MAPKAP1: variants seen among roughly 807,000 people sequenced by gnomAD.
MAPKAP1 encodes the protein target of rapamycin complex 2 subunit MAPKAP1.
A neutral mutation model predicts 65.7 loss-of-function variants in MAPKAP1; 20 were observed. The ratio of observed to expected loss-of-function variants is 0.30; its 90% CI spans 0.21 to 0.44. The LOEUF is 0.44. Ranked by LOEUF, MAPKAP1 falls within the 20% of genes least tolerant of loss-of-function variation. The probability of loss-of-function intolerance (pLI) is 1.00; values close to 1 mark genes in which losing one functional copy is unlikely to be tolerated. For synonymous variants in MAPKAP1, 222 were observed against 244.3 expected (o/e 0.91, Z 0.85); for missense variants, 423 against 648.0 (o/e 0.65, Z 3.77).
intron 10 of MAPKAP1, among the ~76,000 whole-genome samples, chr9:125,463,334 T>A (rs896063252): frequency 2.6e-5 from 4 of 152,224 alleles, no homozygotes; most frequent in African/African-American, 9.6e-5. Flanking sequence ...GGCTTGGCCA[T>A]TAAGGTTGCT....
intron 7 of MAPKAP1, among the ~76,000 whole-genome samples, chr9:125,515,803 G>T (rs1829443690): frequency 6.6e-6 from 1 of 152,306 alleles, no homozygotes; most frequent in Non-Finnish European, 1.5e-5. Context: ...AAGGGGGCCG[G>T]CCAGAAGATG....
chr9:125,667,965 G>A (rs928599996), intron 3 of MAPKAP1, among the ~76,000 whole-genome samples: 5 of 152,244 alleles, frequency 3.3e-5, no homozygotes, highest in African/African-American at 7.2e-5. Context: ...GGCTAGCCTC[G>A]TGAGATTTTG....
rs539732760 is a variant in MAPKAP1 at position 125,544,849 on chromosome 9, C to G, written c.849-1681G>C. ...AATGGTAGGACAGGCTGGGAAGGGC[C>G]TTAAGCCTAGGTTGGACCCAACTAG... On this transcript the variant is annotated intron_variant, in intron 6 of 11. Coordinates refer to ENST00000265960, the MANE Select transcript of MAPKAP1 (RefSeq NM_001006617.3). Among the ~76,000 whole-genome samples the G allele has an allele frequency of 3.7e-4, 56 of 152,322 alleles. No homozygotes were observed. The South Asian group carries it at 0.011, about 29-fold the overall frequency.
intron 9 of MAPKAP1, among the ~76,000 whole-genome samples, chr9:125,470,903 T>C (rs1384398186): frequency 2.6e-5 from 4 of 152,212 alleles, no homozygotes; most frequent in Admixed American, 2.6e-4. Flanking sequence ...TTTAGATTGA[T>C]CTGTAATTGG....
At chr9:125,476,601 G>GT (rs912198078) in intron 9 of MAPKAP1, among the ~76,000 whole-genome samples, 26 of 152,272 alleles carry the variant, frequency 1.7e-4, no homozygotes, top group African/African-American at 6.0e-4. Context: ...CCAGAACCAT[G>GT]TTTAGCCTGA....
chr9:125,532,889 T>C (rs778921067), intron 7 of MAPKAP1, among the ~76,000 whole-genome samples: 2 of 152,234 alleles, frequency 1.3e-5, no homozygotes, highest in Non-Finnish European at 2.9e-5. Context: ...AAATCTGTTT[T>C]TTAAACTAGT....
chr9:125,546,181 C>G (rs1333274539), intron 6 of MAPKAP1, among the ~76,000 whole-genome samples: 1 of 152,164 alleles, frequency 6.6e-6, no homozygotes, highest in East Asian at 1.9e-4. Context: ...ACACGGCCCT[C>G]GGAATGGACC....
At chr9:125,522,662 C>A (rs1399576970) in intron 7 of MAPKAP1, among the ~76,000 whole-genome samples, 1 of 152,178 alleles carries the variant, frequency 6.6e-6, no homozygotes, top group Non-Finnish European at 1.5e-5. Flanking sequence ...CCACTCTTCA[C>A]CCTATTGTTA....
At chr9:125,667,448 T>G (rs1834372188) in intron 3 of MAPKAP1, among the ~76,000 whole-genome samples, 2 of 151,200 alleles carry the variant, frequency 1.3e-5, no homozygotes, top group African/African-American at 4.9e-5. Flanking sequence ...GCCTCCTGAG[T>G]AGCTAGAATT....
At chr9:125,512,158 A>G (rs1405774979) in intron 7 of MAPKAP1, among the ~76,000 whole-genome samples, 1 of 152,250 alleles carries the variant, frequency 6.6e-6, no homozygotes, top group African/African-American at 2.4e-5. Context: ...AAAAGGTTTT[A>G]GCATGCAATT....
chr9:125,572,096 T>A (rs1455943204), intron 5 of MAPKAP1, among the ~76,000 whole-genome samples: 1 of 152,214 alleles, frequency 6.6e-6, no homozygotes, highest in African/African-American at 2.4e-5. Flanking sequence ...GCAATAAGAA[T>A]CTGTTTTCTT....
intron 4 of MAPKAP1, among the ~76,000 whole-genome samples, chr9:125,643,695 T>G (rs892932359): frequency 2.6e-5 from 4 of 152,176 alleles, no homozygotes; most frequent in African/African-American, 9.7e-5. Flanking sequence ...GAAAATACAT[T>G]TGTATATACG....
intron 3 of MAPKAP1, among the ~76,000 whole-genome samples, chr9:125,663,194 T>C (rs1264154668): frequency 6.6e-6 from 1 of 152,204 alleles, no homozygotes; most frequent in Non-Finnish European, 1.5e-5. Context: ...ACCCCACTAC[T>C]GACTTCTCTG....
intron 9 of MAPKAP1, among the ~76,000 whole-genome samples, chr9:125,473,072 G>A (rs1288249336): frequency 1.3e-5 from 2 of 150,896 alleles, no homozygotes; most frequent in Non-Finnish European, 2.9e-5. Context: ...CAGTTCTTCA[G>A]CAGAACTTTT....
intron 5 of MAPKAP1, among the ~76,000 whole-genome samples, chr9:125,583,761 G>A (rs1345578503): frequency 6.6e-6 from 1 of 152,178 alleles, no homozygotes; most frequent in Non-Finnish European, 1.5e-5. Flanking sequence ...CCTAAGTAAT[G>A]TTTTAAGAAA....
chr9:125,670,635 C>G (rs1454871627), intron 2 of MAPKAP1, among the ~76,000 whole-genome samples: 1 of 152,158 alleles, frequency 6.6e-6, no homozygotes, highest in Non-Finnish European at 1.5e-5. Flanking sequence ...GAAATTCCAA[C>G]AAGAGTCACC....
In MAPKAP1 at chr9:125,476,867, T is replaced by C. The variant is rs139276978; in HGVS notation, c.1207+7576A>G. Among the ~76,000 whole-genome samples the C allele has an allele frequency of 3.8e-3, 573 of 152,328 alleles. 5 individuals are homozygous for C. The highest frequency in any genetic ancestry group is 0.013 in the African/African-American group (551 of 41,576). ...TGCTCAGGCCCAGGGCAGACATTTC[T>C]AATCAATCACAGAGTTTCTTTATGT... is the stretch of plus-strand genomic sequence containing the variant. On this transcript the variant is annotated intron_variant, in intron 9 of 11. Coordinates refer to ENST00000265960, the MANE Select transcript of MAPKAP1 (RefSeq NM_001006617.3).
intron 7 of MAPKAP1, among the ~76,000 whole-genome samples, chr9:125,518,990 G>A (rs1320094094): frequency 8.5e-5 from 13 of 152,124 alleles, no homozygotes; most frequent in Admixed American, 8.5e-4. Context: ...TTTGACAGTA[G>A]ATCATTATAA....
intron 5 of MAPKAP1, among the ~76,000 whole-genome samples, chr9:125,560,410 C>T (rs559320171): frequency 1.7e-4 from 26 of 152,152 alleles, no homozygotes; most frequent in African/African-American, 3.1e-4. Flanking sequence ...CATGGCAAAA[C>T]CCCATCTCTG....
Sources: gnomAD v4.1 joint callset for allele counts (sites outside exome capture counted in the v4.1 genomes callset) on GRCh38, gnomAD v4.1.1 for gene constraint, MANE v1.5 for transcripts, NCBI Gene and HGNC (gene_info 2026-07-23, HGNC 2026-07-21) for gene names.